Variants in SLC67A1 observed in about 807,000 individuals in gnomAD.
SLC67A1 encodes the protein solute carrier family 67 member 1, also known as solute carrier family 67 member A1.
the SLC67A1 span, chr11:2,919,405 A>C: frequency 1.9e-6 from 3 of 1,612,626 alleles, no homozygotes; most frequent in Admixed American, 1.7e-5. Context: ...GCTCCTCCAG[A>C]TGGTGAGTGG....
the SLC67A1 span, chr11:2,919,451 T>A: frequency 1.4e-6 from 2 of 1,402,932 alleles, no homozygotes; most frequent in Non-Finnish European, 2.0e-6. Flanking sequence ...GGCAGGGGTC[T>A]CCAGTGGGGC....
the SLC67A1 span, chr11:2,922,016 T>A: frequency 7.0e-6 from 7 of 997,646 alleles, no homozygotes; most frequent in South Asian, 9.1e-5. Context: ...AGTCTGGAGG[T>A]CCCCAGCTTT....
chr11:2,917,697 C>A, the SLC67A1 span, among the ~76,000 whole-genome samples: 1 of 152,236 alleles, frequency 6.6e-6, no homozygotes, highest in Non-Finnish European at 1.5e-5. Flanking sequence ...CCACTGCATG[C>A]CCAGGTTGAG....
the SLC67A1 span, among the ~76,000 whole-genome samples, chr11:2,904,319 G>T: frequency 1.3e-5 from 2 of 152,192 alleles, no homozygotes; most frequent in Non-Finnish European, 2.9e-5. Flanking sequence ...CGGGAGTGGG[G>T]ATGGGCCTTT....
At chr11:2,908,701 C>T in the SLC67A1 span, among the ~76,000 whole-genome samples, 5 of 152,276 alleles carry the variant, frequency 3.3e-5, no homozygotes, top group South Asian at 1.0e-3. Context: ...GGACATCCTC[C>T]CACAAGCCAC....
At chr11:2,903,055 A>C in the SLC67A1 span, 3 of 473,444 alleles carry the variant, frequency 6.3e-6, no homozygotes, top group Non-Finnish European at 6.8e-6. Context: ...GGTCGGGGGG[A>C]GCAGCTTGTC....
the SLC67A1 span, chr11:2,917,937 TG>T: frequency 7.0e-7 from 1 of 1,427,054 alleles, no homozygotes; most frequent in Non-Finnish European, 9.6e-7. Flanking sequence ...GGGCGAGGGG[TG>T]GGCATTGGGA....
chr11:2,903,333 G>C, the SLC67A1 span: 2 of 1,611,692 alleles, frequency 1.2e-6, no homozygotes, highest in Non-Finnish European at 1.7e-6. Flanking sequence ...TCTCCCTGCT[G>C]CGCCTGTCCA....
chr11:2,903,247 G>A, the SLC67A1 span: 1 of 1,536,348 alleles, frequency 6.5e-7, no homozygotes, highest in South Asian at 1.2e-5. Flanking sequence ...GGGACCCAGT[G>A]ACTCAGCACC....
At chr11:2,919,595 G>T in the SLC67A1 span, 1 of 586,216 alleles carries the variant, frequency 1.7e-6, no homozygotes, top group African/African-American at 1.9e-5. Context: ...TGGTGGGCAC[G>T]CTGTGAGGAC....
chr11:2,901,405 C>T, the SLC67A1 span, among the ~76,000 whole-genome samples: 4 of 152,234 alleles, frequency 2.6e-5, no homozygotes, highest in Admixed American at 1.3e-4. Context: ...CTCTGTGGAG[C>T]GATGATTGAC....
At chr11:2,924,653 T>C in the SLC67A1 span, among the ~76,000 whole-genome samples, 1 of 152,174 alleles carries the variant, frequency 6.6e-6, no homozygotes, top group African/African-American at 2.4e-5. This position sits in a 1 kb window ranked among gnomAD's most constrained non-coding sequence, Gnocchi z 8.6. Context: ...TGTGGTCCCA[T>C]TCCCAGGCTC....
chr11:2,918,924 G>T, the SLC67A1 span: 1 of 202,176 alleles, frequency 4.9e-6, no homozygotes. Flanking sequence ...CAAACTCCTG[G>T]CCTCAATCAG....
At chr11:2,922,493 C>T in the SLC67A1 span, 1 of 1,612,880 alleles carries the variant, frequency 6.2e-7, no homozygotes, top group African/African-American at 1.3e-5. Context: ...GGTGTTCAGC[C>T]TCTGCACCCT....
chr11:2,919,483 C>T, the SLC67A1 span: 35 of 1,085,428 alleles, frequency 3.2e-5, no homozygotes, highest in East Asian at 8.1e-4. Context: ...AGTAGAGGCT[C>T]CTCCCCGGCG....
chr11:2,909,093 G>A, the SLC67A1 span: 4 of 1,106,462 alleles, frequency 3.6e-6, no homozygotes, highest in Admixed American at 6.3e-5. Context: ...TCCCCATCCC[G>A]CACTCCAGCC....
At chr11:2,909,352 G>A in the SLC67A1 span, 2 of 1,392,038 alleles carry the variant, frequency 1.4e-6, no homozygotes, top group South Asian at 2.5e-5. Flanking sequence ...TGCACACGCT[G>A]CCAGGTAGGG....
At chr11:2,909,419 G>A in the SLC67A1 span, 3 of 1,477,594 alleles carry the variant, frequency 2.0e-6, no homozygotes, top group Admixed American at 4.6e-5. Context: ...GGAGGACCCG[G>A]GACACCTCCA....
chr11:2,899,868 C>T, the SLC67A1 span: 9 of 699,556 alleles, frequency 1.3e-5, no homozygotes, highest in Admixed American at 1.2e-4. Flanking sequence ...CCCTCGCACA[C>T]CTCTGGGCAG....
Sources: gnomAD v4.1 joint callset for allele counts (sites outside exome capture counted in the v4.1 genomes callset) on GRCh38, gnomAD v4.1.1 for gene constraint, Gnocchi (gnomAD v3.1) non-coding constraint, MANE v1.5 for transcripts, NCBI Gene and HGNC (gene_info 2026-07-23, HGNC 2026-07-21) for gene names.